Variants in PCDHGA1 observed in about 807,000 individuals in gnomAD.
The protein encoded by PCDHGA1 is protocadherin gamma subfamily A, 1, also known as protocadherin gamma-A1.
A neutral mutation model predicts 58.0 loss-of-function variants in PCDHGA1; 32 were observed. The ratio of observed to expected loss-of-function variants is 0.55; its 90% CI spans 0.42 to 0.74. The LOEUF is 0.74. Among genes scored for constraint, PCDHGA1 ranks in the 30% least tolerant of loss-of-function variants. The pLI is 0.00. For missense variants in PCDHGA1, 1,205 were observed against 1,182.3 expected, an observed-to-expected ratio of 1.02 and a Z score of -0.28; for synonymous variants, 498 against 501.1, an observed-to-expected ratio of 0.99 and a Z score of 0.08.
At chr5:141,394,175 T>A in intron 1 of PCDHGA1, 1 of 1,613,944 alleles carries the variant, frequency 6.2e-7, no homozygotes, top group South Asian at 1.1e-5. Flanking sequence ...CTTTCCCTCA[T>A]GCCTCCTACT....
rs933117526 is a variant in PCDHGA1 at position 141,355,681 on chromosome 5, G to A, written c.2421+22576G>A. 11 of 1,613,908 alleles carry A rather than the reference G, an allele frequency of 6.8e-6. No individual in the cohort carries two copies. Among genetic ancestry groups the A allele is most frequent in the Non-Finnish European group, 9.3e-6 (11 of 1,179,912 alleles). On this transcript the variant is annotated intron_variant, in intron 1 of 3. Coordinates refer to ENST00000517417, the MANE Select transcript of PCDHGA1 (RefSeq NM_018912.3). ...TCCTCTTCCTGAAGCTTTTGATCCG[G>A]ATGTAGGTGTAAACTCCCTGCAGGG...
intron 1 of PCDHGA1, chr5:141,351,461 G>GTGAT (rs1395703699): frequency 6.2e-7 from 1 of 1,613,452 alleles, no homozygotes. Flanking sequence ...TTACAAGCTG[G>GTGAT]TGATTGCTGG....
At chr5:141,404,780 A>G (rs746373854) in intron 1 of PCDHGA1, 2 of 1,612,764 alleles carry the variant, frequency 1.2e-6, no homozygotes, top group African/African-American at 1.3e-5. Flanking sequence ...CCGCCTATTC[A>G]AGGCCAGTGA....
intron 1 of PCDHGA1, chr5:141,367,582 A>G (rs1339166243): frequency 6.6e-6 from 1 of 150,954 alleles, no homozygotes; most frequent in Admixed American, 6.6e-5. Flanking sequence ...ATATCAGAAA[A>G]GTAGATAAAA....
intron 1 of PCDHGA1, chr5:141,422,211 C>G: frequency 6.4e-7 from 1 of 1,563,286 alleles, no homozygotes; most frequent in Non-Finnish European, 8.6e-7. Context: ...GTGGAGGTCT[C>G]TTTACCACCA....
At chr5:141,360,835 G>A in intron 1 of PCDHGA1, 3 of 1,613,956 alleles carry the variant, frequency 1.9e-6, no homozygotes, top group Non-Finnish European at 2.5e-6. Context: ...CAAAGTCACG[G>A]ATGCCAACGA....
intron 1 of PCDHGA1, among the ~76,000 whole-genome samples, chr5:141,445,978 TTATAAA>T (rs551337386): frequency 6.6e-6 from 1 of 152,272 alleles, no homozygotes; most frequent in East Asian, 1.9e-4. Context: ...TTTATGAGGG[TTATAAA>T]TAGAAATAGG....
chr5:141,421,353 G>T, intron 1 of PCDHGA1: 1 of 1,613,998 alleles, frequency 6.2e-7, no homozygotes, highest in Non-Finnish European at 8.5e-7. Context: ...AGACCGAAAA[G>T]GGCTCCTTCG....
chr5:141,331,910 C>G lies in PCDHGA1; in HGVS notation c.1226C>G (p.Thr409Arg). The change falls in exon 1 of 4, where the codon ACA becomes AGA. Residue 409 changes from threonine to arginine, a missense_variant. Physicochemically the swap from Thr to Arg is moderately conservative, Grantham distance 71 (BLOSUM62 -1). Coordinates refer to ENST00000517417, the MANE Select transcript of PCDHGA1 (RefSeq NM_018912.3). ...DNYYRLVTERTLDRELISGYN... is the reference protein window; with the variant it reads ...DNYYRLVTERRLDRELISGYN... ...TATTACCGTTTAGTGACTGAAAGAA[C>G]ACTGGACAGAGAACTTATCTCTGGG... 1 of 1,614,152 alleles carries G rather than the reference C, an allele frequency of 6.2e-7. No homozygotes were observed. The highest frequency in any genetic ancestry group is 8.5e-7 in the Non-Finnish European group (1 of 1,180,022).
At position 141,332,248 on chromosome 5, in the gene PCDHGA1, T is replaced by C. The variant is rs1425899401; in HGVS notation, c.1564T>C (p.Tyr522His). 5 of 1,614,212 alleles carry C rather than the reference T, an allele frequency of 3.1e-6. No individual in the cohort carries two copies. Among genetic ancestry groups the C allele is most frequent in the South Asian group, 1.1e-5 (1 of 91,076 alleles). ...GVLYALRSFDYEQFRDMQLKV... is the reference protein window; with the variant it reads ...GVLYALRSFDHEQFRDMQLKV... The stretch of plus-strand genomic sequence containing the variant: ...CCTGTATGCGCTGCGATCCTTCGAC[T>C]ATGAGCAGTTCCGGGACATGCAACT... Residue 522 changes from tyrosine (Y) to histidine (H), a missense_variant, in exon 1 of 4, where the codon TAT (tyrosine) becomes CAT (histidine). Physicochemically the swap from Tyr to His is moderately conservative, Grantham distance 83. Coordinates refer to ENST00000517417, the MANE Select transcript of PCDHGA1 (RefSeq NM_018912.3). The surrounding 1 kb of genome is among the most constrained non-coding windows in gnomAD (Gnocchi z 4.6).
At chr5:141,421,579 T>A (rs753573473) in intron 1 of PCDHGA1, 1 of 1,613,934 alleles carries the variant, frequency 6.2e-7, no homozygotes, top group Non-Finnish European at 8.5e-7. Flanking sequence ...CTTGAAGATT[T>A]ACGGAGTGGA....
Position 141,351,002 on chromosome 5 carries a change from C to T in PCDHGA1, c.2421+17897C>T, listed in dbSNP as rs751094816. 6 of 1,614,084 alleles carry T rather than the reference C, an allele frequency of 3.7e-6. No individual in the cohort carries two copies. In the South Asian group the frequency reaches 6.6e-5, roughly 18 times the overall value. ...TAGCCAGGAGGTATACAGGGTTAGC[C>T]TCCAAGAAAACGTACCGTGGGGAAC... On this transcript the variant is annotated intron_variant, in intron 1 of 3. Transcript: ENST00000517417.
At chr5:141,346,851 C>T (rs976506085) in intron 1 of PCDHGA1, among the ~76,000 whole-genome samples, 1 of 152,082 alleles carries the variant, frequency 6.6e-6, no homozygotes, top group Non-Finnish European at 1.5e-5. Flanking sequence ...ATTTTAAATC[C>T]CTGTGCTTTG....
At chr5:141,359,134 T>C (rs1761128999) in intron 1 of PCDHGA1, among the ~76,000 whole-genome samples, 2 of 152,242 alleles carry the variant, frequency 1.3e-5, no homozygotes, top group African/African-American at 4.8e-5. Flanking sequence ...ATACATAGAG[T>C]AAGCTGGAAT....
Position 141,332,350 on chromosome 5 carries a change from A to T in PCDHGA1, c.1666A>T (p.Asn556Tyr). ...VSLSLFLLDQ[N>Y]DNAPEILYPA... ...TCTCAGCCTATTCCTGCTGGACCAG[A>T]ACGACAACGCGCCCGAGATCCTGTA... Residue 556 changes from asparagine to tyrosine, a missense_variant, in exon 1 of 4, where the codon AAC becomes TAC. Physicochemically the swap from Asn to Tyr is moderately radical, Grantham distance 143. Transcript: ENST00000517417. This position sits in a 1 kb window ranked among gnomAD's most constrained non-coding sequence, Gnocchi z 4.6. 1 of 1,614,084 alleles carries T rather than the reference A, an allele frequency of 6.2e-7. No individual in the cohort carries two copies. The highest frequency in any genetic ancestry group is 8.5e-7 in the Non-Finnish European group (1 of 1,179,998).
intron 1 of PCDHGA1, chr5:141,350,707 C>G: frequency 1.2e-6 from 2 of 1,613,992 alleles, no homozygotes; most frequent in East Asian, 2.2e-5. Context: ...GGGTAAAATT[C>G]TCTCTGGATT....
intron 1 of PCDHGA1, among the ~76,000 whole-genome samples, chr5:141,406,035 T>C (rs989362338): frequency 4.6e-5 from 7 of 151,898 alleles, no homozygotes; most frequent in Non-Finnish European, 1.0e-4. Flanking sequence ...GGTTGCTTCA[T>C]TGGTTGCAGT....
Position 141,332,127 on chromosome 5 carries a change from C to G in PCDHGA1, c.1443C>G (p.Ser481Arg). The change falls in exon 1 of 4, where the codon AGC (serine) becomes AGG (arginine). Residue 481 changes from serine to arginine, a missense_variant. Ser to Arg is a moderately radical substitution (Grantham distance 110). Coordinates refer to ENST00000517417, the MANE Select transcript of PCDHGA1 (RefSeq NM_018912.3). This position sits in a 1 kb window ranked among gnomAD's most constrained non-coding sequence, Gnocchi z 4.6. ...IFSVRAHDLD[S>R]NENAQITYSL... ...CTGTGAGGGCCCACGACTTGGACAG[C>G]AATGAGAATGCACAAATCACTTACT... The G allele has an allele frequency of 1.2e-6, 2 of 1,614,192 alleles. No individual in the cohort carries two copies. The highest frequency in any genetic ancestry group is 1.7e-6 in the Non-Finnish European group (2 of 1,180,040).
chr5:141,421,195 G>C (rs1305388921), intron 1 of PCDHGA1: 2 of 1,504,878 alleles, frequency 1.3e-6, no homozygotes, highest in Non-Finnish European at 1.8e-6. Context: ...CAACCAGCTC[G>C]AGAAACCGCG....
Sources: allele counts gnomAD v4.1 joint callset (sites outside exome capture counted in the v4.1 genomes callset), GRCh38; gene constraint gnomAD v4.1.1; non-coding constraint Gnocchi (gnomAD v3.1); transcripts MANE v1.5; gene names NCBI Gene and HGNC (gene_info 2026-07-23, HGNC 2026-07-21).